The following CDH4 variants were observed in gnomAD, a reference collection of about 807,000 sequenced individuals.
CDH4 encodes the protein cadherin-4.
Under a neutral mutation model 86.0 loss-of-function variants are expected in CDH4, and 33 were observed. The ratio of observed to expected loss-of-function variants is 0.38; its 90% CI spans 0.29 to 0.51. The LOEUF (loss-of-function observed/expected upper bound fraction) is 0.51, where lower values mean the gene tolerates loss of function less well. Ranked by LOEUF, CDH4 falls within the 20% of genes least tolerant of loss-of-function variation. The pLI, the probability that CDH4 is intolerant of heterozygous loss-of-function variation, is 0.86. For synonymous variants in CDH4, 555 were observed against 549.4 expected (o/e 1.01, Z -0.14); for missense variants, 1,114 against 1,307.4 (o/e 0.85, Z 2.28).
At chr20:61,794,314 A>G (rs1017886914) in intron 4 of CDH4, among the ~76,000 whole-genome samples, 5 of 152,110 alleles carry the variant, frequency 3.3e-5, no homozygotes, top group African/African-American at 9.7e-5. Flanking sequence ...GAGGCAGGCC[A>G]GTAAATGATG....
At chr20:61,403,418 C>T (rs2085061189) in intron 2 of CDH4, among the ~76,000 whole-genome samples, 1 of 152,132 alleles carries the variant, frequency 6.6e-6, no homozygotes, top group South Asian at 2.1e-4. Context: ...TACTGAGTCC[C>T]AGTTGTTGCT....
chr20:61,758,097 G>A (rs967155384), intron 3 of CDH4, among the ~76,000 whole-genome samples: 17 of 152,208 alleles, frequency 1.1e-4, no homozygotes, highest in Admixed American at 7.2e-4. Context: ...GGCAGATGCG[G>A]TTTGGCAAAT....
chr20:61,391,658 C>T (rs1263529221), intron 2 of CDH4, among the ~76,000 whole-genome samples: 1 of 152,196 alleles, frequency 6.6e-6, no homozygotes, highest in Non-Finnish European at 1.5e-5. Context: ...GACAGTTGGT[C>T]CAAAGCTCTT....
At chr20:61,478,491 A>G (rs971526782) in intron 2 of CDH4, among the ~76,000 whole-genome samples, 2 of 152,170 alleles carry the variant, frequency 1.3e-5, no homozygotes, top group African/African-American at 4.8e-5. Context: ...CCAACAGAGA[A>G]CACATGTGTG....
chr20:61,705,574 C>T (rs1359518938), intron 2 of CDH4, among the ~76,000 whole-genome samples: 1 of 152,158 alleles, frequency 6.6e-6, no homozygotes, highest in African/African-American at 2.4e-5. Context: ...CCTGCCACTT[C>T]CAAGGACGCT....
At chr20:61,450,604 A>G (rs74571908) in intron 2 of CDH4, among the ~76,000 whole-genome samples, 4,387 of 152,118 alleles carry the variant, frequency 0.029, 104 homozygotes, top group Non-Finnish European at 0.044. Context: ...TTGAGGTTCT[A>G]TCTATGTCTA....
At chr20:61,672,751 G>C (rs1018774955) in intron 2 of CDH4, among the ~76,000 whole-genome samples, 1 of 152,240 alleles carries the variant, frequency 6.6e-6, no homozygotes, top group Non-Finnish European at 1.5e-5. Context: ...GGGAGGGGTG[G>C]GAGAAGATTA....
intron 4 of CDH4, among the ~76,000 whole-genome samples, chr20:61,803,448 G>A (rs868168252): frequency 6.8e-4 from 104 of 152,348 alleles, no homozygotes; most frequent in African/African-American, 2.2e-3. Context: ...AACTTTATTT[G>A]GAAATATGAA....
chr20:61,916,124 C>T (rs2054900949), intron 9 of CDH4, among the ~76,000 whole-genome samples: 1 of 149,450 alleles, frequency 6.7e-6, no homozygotes, highest in African/African-American at 2.5e-5. Context: ...ATTGGTTTTG[C>T]ATTCTTTGGT....
At chr20:61,651,488 A>G (rs2087120584) in intron 2 of CDH4, among the ~76,000 whole-genome samples, 1 of 152,074 alleles carries the variant, frequency 6.6e-6, no homozygotes, top group Admixed American at 6.5e-5. Flanking sequence ...AGCCTGTTTC[A>G]CAGGGGTCCT....
rs77933904 is a variant in CDH4 at position 61,510,509 on chromosome 20, G to A, written c.170-233054G>A. On this transcript the variant is annotated intron_variant, in intron 2 of 15. Transcript: ENST00000614565. The surrounding 1 kb of genome is among the most constrained non-coding windows in gnomAD (Gnocchi z 4.2). ...GGCATCCCATAAAGAAGAGAGATTC[G>A]TTCCACATAAAATGCAACCACTGTC... is the stretch of plus-strand genomic sequence containing the variant. Among the ~76,000 whole-genome samples the A allele has an allele frequency of 0.023, 3,551 of 152,238 alleles. 137 individuals carry two copies. The highest frequency in any genetic ancestry group is 0.079 in the African/African-American group (3,284 of 41,530).
At chr20:61,679,927 G>A (rs544284648) in intron 2 of CDH4, among the ~76,000 whole-genome samples, 5 of 152,214 alleles carry the variant, frequency 3.3e-5, no homozygotes, top group Non-Finnish European at 7.3e-5. Context: ...GTCTGTCAGT[G>A]GGAACTGCCC....
At chr20:61,525,282 G>T (rs1225155286) in intron 2 of CDH4, among the ~76,000 whole-genome samples, 1 of 152,138 alleles carries the variant, frequency 6.6e-6, no homozygotes, top group Non-Finnish European at 1.5e-5. Flanking sequence ...AGCTTCCCTG[G>T]GAGATTTAGA....
In CDH4 at chr20:61,754,840, C is replaced by T. The variant is rs549441162; in HGVS notation, c.396+11051C>T. Among the ~76,000 whole-genome samples the T allele has an allele frequency of 6.7e-6, 1 of 150,110 alleles. No homozygotes were observed. Among genetic ancestry groups the T allele is most frequent in the Admixed American group, 6.6e-5 (1 of 15,082 alleles). ...ATGCATGCCACACACCACACACATG[C>T]CCCACACACACCACACAGTGCACGC... On this transcript the variant is annotated intron_variant, in intron 3 of 15. Transcript: ENST00000614565. This position sits in a 1 kb window ranked among gnomAD's most constrained non-coding sequence, Gnocchi z 4.7.
intron 2 of CDH4, among the ~76,000 whole-genome samples, chr20:61,639,656 T>C (rs2086985171): frequency 6.6e-6 from 1 of 152,198 alleles, no homozygotes; most frequent in Non-Finnish European, 1.5e-5. Flanking sequence ...GCCCTGACTC[T>C]GCATGGTTTT....
intron 2 of CDH4, among the ~76,000 whole-genome samples, chr20:61,525,095 C>T (rs1048984393): frequency 9.2e-5 from 14 of 152,196 alleles, no homozygotes; most frequent in African/African-American, 1.2e-4. Context: ...TGTCATTAAG[C>T]TCAAATGGTG....
intron 2 of CDH4, among the ~76,000 whole-genome samples, chr20:61,596,544 A>G (rs1020812490): frequency 4.6e-5 from 7 of 152,176 alleles, no homozygotes; most frequent in Non-Finnish European, 7.3e-5. Flanking sequence ...TGTCTGTAAG[A>G]AAAGAGGTGG....
chr20:61,591,970 CAACT>C (rs2086522230), intron 2 of CDH4, among the ~76,000 whole-genome samples: 1 of 152,162 alleles, frequency 6.6e-6, no homozygotes, highest in African/African-American at 2.4e-5. Context: ...CAAATACCGC[CAACT>C]GTTTGCCTCA....
intron 4 of CDH4, among the ~76,000 whole-genome samples, chr20:61,837,623 A>G (rs917754730): frequency 6.6e-6 from 1 of 152,044 alleles, no homozygotes; most frequent in African/African-American, 2.4e-5. Context: ...TTCAGGGTGA[A>G]TGAGGAGGCT....
Sources: gnomAD v4.1 joint callset for allele counts (sites outside exome capture counted in the v4.1 genomes callset) on GRCh38, gnomAD v4.1.1 for gene constraint, Gnocchi (gnomAD v3.1) non-coding constraint, MANE v1.5 for transcripts, NCBI Gene and HGNC (gene_info 2026-07-23, HGNC 2026-07-21) for gene names.